ALK: variants seen among roughly 807,000 people sequenced by gnomAD.
The protein encoded by ALK is ALK receptor tyrosine kinase.
ALK carries 74 observed loss-of-function variants against 163.1 expected under a neutral mutation model. The observed-to-expected ratio is 0.45, with a 90% CI of 0.38 to 0.55. The LOEUF is 0.55. Among genes scored for constraint, ALK ranks in the 20% least tolerant of loss-of-function variants. ALK has a pLI of 0.00. For missense variants in ALK, 2,063 were observed against 2,105.3 expected (o/e 0.98, Z 0.39); for synonymous variants, 960 against 843.2 (o/e 1.14, Z -2.40).
In ALK at chr2:29,694,862, C is replaced by T. The variant is rs538448899; in HGVS notation, c.940G>A (p.Glu314Lys). The T allele has an allele frequency of 2.5e-6, 4 of 1,613,848 alleles. No homozygotes were observed. The African/African-American group carries it at 4.0e-5, about 16-fold the overall frequency. ...GCCTCTCCCTTACCTCTGGGCATCT[C>T]CTTAGAACGCTCTGCCCCAGGCCCA... is the stretch of plus-strand genomic sequence containing the variant. Reference protein sequence around the residue: ...LDGPGAERSKEMPRGSFLLLN... With the variant: ...LDGPGAERSKKMPRGSFLLLN... Residue 314 changes from glutamate to lysine, a missense_variant, in exon 3 of 29, where the codon GAG (glutamate) becomes AAG (lysine). By Grantham distance (56) the Glu-to-Lys change is moderately conservative. Transcript: ENST00000389048.
At chr2:29,525,917 T>G (rs1672947610) in intron 4 of ALK, among the ~76,000 whole-genome samples, 1 of 152,088 alleles carries the variant, frequency 6.6e-6, no homozygotes, top group Non-Finnish European at 1.5e-5. Context: ...CAGTTCCTCT[T>G]AAGAGGACTA....
chr2:29,204,157 C>T (rs539632542), intron 26 of ALK, among the ~76,000 whole-genome samples: 1 of 152,224 alleles, frequency 6.6e-6, no homozygotes, highest in South Asian at 2.1e-4. Context: ...ACACGGAGTT[C>T]TCCTATACCT....
At chr2:29,625,176 A>G (rs1342341413) in intron 3 of ALK, among the ~76,000 whole-genome samples, 1 of 152,136 alleles carries the variant, frequency 6.6e-6, no homozygotes, top group Admixed American at 6.5e-5. Context: ...AAGCAATTTC[A>G]CTATGTTGTT....
intron 1 of ALK, among the ~76,000 whole-genome samples, chr2:29,900,701 G>A (rs994493065): frequency 4.6e-5 from 7 of 152,174 alleles, no homozygotes; most frequent in African/African-American, 7.2e-5. Flanking sequence ...GCAATGAAAC[G>A]TGCACAGGAC....
chr2:29,193,931 G>A lies in ALK; in HGVS notation c.4165-9C>T, dbSNP rs764653189. The A allele has an allele frequency of 6.2e-7, 1 of 1,613,748 alleles. No homozygotes were observed. The highest frequency in any genetic ancestry group is 1.7e-5 in the Admixed American group (1 of 60,012). On this transcript the variant is annotated splice_polypyrimidine_tract_variant and intron_variant, in intron 28 of 28. Transcript: ENST00000389048. ...TTGATTACATCCGGGTCCTGCCGTA[G>A]GGGAAATTATTAAAACTTTGAATCA...
chr2:29,632,347 G>C (rs919953473), intron 3 of ALK, among the ~76,000 whole-genome samples: 5 of 152,114 alleles, frequency 3.3e-5, no homozygotes, highest in African/African-American at 1.2e-4. Flanking sequence ...CTAGGCCCCA[G>C]TATGATTGTA....
chr2:29,477,325 A>G (rs917329620), intron 4 of ALK, among the ~76,000 whole-genome samples: 2 of 152,176 alleles, frequency 1.3e-5, no homozygotes, highest in Admixed American at 1.3e-4. Flanking sequence ...TCTGGGACAC[A>G]TTTACTTAAG....
chr2:29,307,534 C>T (rs1386294612), intron 8 of ALK, among the ~76,000 whole-genome samples: 1 of 152,206 alleles, frequency 6.6e-6, no homozygotes, highest in East Asian at 1.9e-4. Flanking sequence ...GGTTAAGGCT[C>T]TCCCTCAATA....
chr2:29,251,356 C>G (rs2148197972), intron 11 of ALK, 89 bp from the exon 12 acceptor site: 1 of 1,341,816 alleles, frequency 7.5e-7, no homozygotes, highest in Non-Finnish European at 1.0e-6. Flanking sequence ...GATATCTGCT[C>G]CATGGCCCCA....
chr2:29,712,923 G>A (rs1365458207), intron 2 of ALK, among the ~76,000 whole-genome samples: 1 of 152,182 alleles, frequency 6.6e-6, no homozygotes, highest in Non-Finnish European at 1.5e-5. Context: ...GGCTGGATCA[G>A]CTTCTTAGGG....
At chr2:29,382,174 T>C (rs962692904) in intron 5 of ALK, among the ~76,000 whole-genome samples, 1 of 152,180 alleles carries the variant, frequency 6.6e-6, no homozygotes, top group African/African-American at 2.4e-5. Flanking sequence ...ACTCATCTTC[T>C]CCCTCCTCTA....
chr2:29,654,904 C>T (rs1290380590), intron 3 of ALK, among the ~76,000 whole-genome samples: 1 of 152,092 alleles, frequency 6.6e-6, no homozygotes, highest in African/African-American at 2.4e-5. Context: ...AAAAAGCCCT[C>T]ATCAATTACT....
At chr2:29,689,601 A>C (rs1678336702) in intron 3 of ALK, among the ~76,000 whole-genome samples, 2 of 152,222 alleles carry the variant, frequency 1.3e-5, no homozygotes, top group African/African-American at 4.8e-5. Context: ...CATGGGATCC[A>C]CATGCCAACC....
chr2:29,561,823 C>A (rs188923274), intron 3 of ALK, among the ~76,000 whole-genome samples: 1 of 152,200 alleles, frequency 6.6e-6, no homozygotes, highest in Admixed American at 6.5e-5. Context: ...TGACCGGGGC[C>A]GGGCATGGGG....
chr2:29,477,935 T>C (rs1168474620), intron 4 of ALK, among the ~76,000 whole-genome samples: 1 of 152,218 alleles, frequency 6.6e-6, no homozygotes, highest in Non-Finnish European at 1.5e-5. Flanking sequence ...AGGAAGGCAC[T>C]TCTGCCAGCA....
intron 3 of ALK, among the ~76,000 whole-genome samples, chr2:29,595,288 G>GT (rs1408918549): frequency 1.3e-5 from 2 of 149,860 alleles, no homozygotes; most frequent in African/African-American, 4.9e-5. Flanking sequence ...ACAGACAGTG[G>GT]TTTCTTCACT....
rs1573134667 is a variant in ALK at position 29,228,976 on chromosome 2, T to C, written c.2723A>G (p.Gln908Arg). ...CTCCCACCCCCACTTCTTCATGGCCTGGGGGCAGGAATGTCCTCCGGTGGC... is the reference window on the plus strand; with the variant it reads ...CTCCCACCCCCACTTCTTCATGGCCCGGGGGCAGGAATGTCCTCCGGTGGC... Reference protein sequence around the residue: ...EGATGGHSCPQAMKKWGWETR... With the variant: ...EGATGGHSCPRAMKKWGWETR... The change falls in exon 16 of 29, where the codon CAG becomes CGG. Residue 908 changes from glutamine (Q) to arginine (R), a missense_variant. This residue lies in a region of ALK where 575 missense variants were observed against 626.6 expected (regional missense o/e 0.92). Transcript: ENST00000389048. The C allele has an allele frequency of 1.5e-6, 2 of 1,345,774 alleles. No individual in the cohort carries two copies. The highest frequency in any genetic ancestry group is 1.8e-5 in the African/African-American group (1 of 55,916). 83.4% of individuals were successfully genotyped at this position (1,345,774 alleles called of 1,614,324 possible). A position where few individuals can be genotyped will look rare whatever the true frequency, so the allele number is the denominator to read the frequency against.
chr2:29,717,831 T>C (rs1166086883), intron 1 of ALK, 134 bp from the exon 2 acceptor site: 15 of 1,179,922 alleles, frequency 1.3e-5, no homozygotes, highest in East Asian at 7.3e-5. Context: ...GGGGAAAAAA[T>C]TGAGCCACCA....
chr2:29,640,721 A>G (rs1676677877), intron 3 of ALK, among the ~76,000 whole-genome samples: 1 of 152,134 alleles, frequency 6.6e-6, no homozygotes, highest in Admixed American at 6.5e-5. Flanking sequence ...AAGGACAGTT[A>G]TGTCCTTTTG....
Sources: allele counts gnomAD v4.1 joint callset (sites outside exome capture counted in the v4.1 genomes callset), GRCh38; gene constraint gnomAD v4.1.1; regional missense constraint gnomAD v4.1.1; transcripts MANE v1.5; gene names NCBI Gene and HGNC (gene_info 2026-07-23, HGNC 2026-07-21).